VWC2L: variants seen among roughly 807,000 people sequenced by gnomAD.
The protein encoded by VWC2L is von Willebrand factor C domain containing 2 like.
Under a neutral mutation model 21.6 loss-of-function variants are expected in VWC2L, and 10 were observed. The observed-to-expected ratio is 0.46, with a 90% CI of 0.29 to 0.78. The LOEUF is 0.78. Among genes scored for constraint, VWC2L ranks in the 30% least tolerant of loss-of-function variants. VWC2L has a pLI of 0.10. For missense variants in VWC2L, 209 were observed against 277.1 expected (o/e 0.75, Z 1.74); for synonymous variants, 96 against 94.3 (o/e 1.02, Z -0.10).
chr2:214,444,909 G>T (rs1239679236), intron 3 of VWC2L, among the ~76,000 whole-genome samples: 1 of 151,874 alleles, frequency 6.6e-6, no homozygotes, highest in Non-Finnish European at 1.5e-5. Flanking sequence ...AATCATAACG[G>T]TATGTTGAAA....
intron 2 of VWC2L, among the ~76,000 whole-genome samples, chr2:214,421,018 G>T (rs1262211296): frequency 6.6e-6 from 1 of 152,188 alleles, no homozygotes; most frequent in Non-Finnish European, 1.5e-5. Context: ...CTCAATGGGG[G>T]ATTCCCATCT....
intron 3 of VWC2L, among the ~76,000 whole-genome samples, chr2:214,518,526 T>G (rs938610347): frequency 4.6e-5 from 7 of 152,224 alleles, no homozygotes; most frequent in Non-Finnish European, 1.0e-4. Context: ...CTAAGTTCCC[T>G]TCTTCCAACC....
chr2:214,414,765 CAT>C (rs1702330201), intron 2 of VWC2L, 182 bp downstream of exon 2: 2 of 669,792 alleles, frequency 3.0e-6, no homozygotes, highest in African/African-American at 3.7e-5. Context: ...GTTTGTTGAT[CAT>C]ATTTGTTAAG....
intron 3 of VWC2L, among the ~76,000 whole-genome samples, chr2:214,561,937 T>C (rs1462251351): frequency 2.0e-5 from 3 of 151,884 alleles, no homozygotes; most frequent in African/African-American, 4.8e-5. Flanking sequence ...TTTTACATTC[T>C]TTTTGTCTTA....
intron 3 of VWC2L, among the ~76,000 whole-genome samples, chr2:214,537,443 G>A (rs1168843030): frequency 1.3e-5 from 2 of 152,042 alleles, no homozygotes; most frequent in East Asian, 1.9e-4. Context: ...AAAAAGGCAT[G>A]TTCTCTTTTA....
At position 214,577,695 on chromosome 2, in the gene VWC2L, A is replaced by AT. The variant is rs1559337182; in HGVS notation, c.*1882dup. 2 of 152,154 alleles carry AT rather than the reference A, an allele frequency of 1.3e-5. No homozygotes were observed. Among genetic ancestry groups the AT allele is most frequent in the African/African-American group, 4.8e-5 (2 of 41,518 alleles). The allele number at this position is 152,154 out of a possible 1,614,324, so 9.4% of individuals were successfully genotyped here. On this transcript the variant is annotated 3_prime_UTR_variant, in exon 4 of 4. Coordinates refer to ENST00000312504, the MANE Select transcript of VWC2L (RefSeq NM_001080500.4). ...CTATAGGCCCACCCTCAGGAAACAT[A>AT]TTTTTTTGAGTCTTGTCAACTGGTT...
intron 3 of VWC2L, among the ~76,000 whole-genome samples, chr2:214,482,282 T>G (rs1688613737): frequency 6.6e-6 from 1 of 152,070 alleles, no homozygotes; most frequent in Admixed American, 6.6e-5. Context: ...TTTTAATAAT[T>G]CTAATGTGGA....
intron 3 of VWC2L, among the ~76,000 whole-genome samples, chr2:214,446,935 C>A (rs2126182984): frequency 6.6e-6 from 1 of 152,238 alleles, no homozygotes; most frequent in African/African-American, 2.4e-5. Flanking sequence ...GCTAGGCATA[C>A]TGCTGAGTGT....
At chr2:214,542,384 C>CT (rs1689642452) in intron 3 of VWC2L, among the ~76,000 whole-genome samples, 1 of 152,180 alleles carries the variant, frequency 6.6e-6, no homozygotes, top group Non-Finnish European at 1.5e-5. Context: ...GTCTTCCACG[C>CT]TTGCAGCATC....
intron 2 of VWC2L, among the ~76,000 whole-genome samples, chr2:214,418,615 C>G (rs1403701025): frequency 6.6e-6 from 1 of 152,208 alleles, no homozygotes; most frequent in African/African-American, 2.4e-5. Flanking sequence ...CTTTTCCCCT[C>G]TATTCCCAAC....
At chr2:214,559,883 G>A (rs1430241821) in intron 3 of VWC2L, among the ~76,000 whole-genome samples, 2 of 152,182 alleles carry the variant, frequency 1.3e-5, no homozygotes, top group Admixed American at 6.5e-5. Flanking sequence ...TTATAGGCAT[G>A]AGCCACTGAG....
chr2:214,567,266 G>C (rs1574641139), intron 3 of VWC2L, among the ~76,000 whole-genome samples: 1 of 152,034 alleles, frequency 6.6e-6, no homozygotes, highest in African/African-American at 2.4e-5. Context: ...CTAGTCTCTG[G>C]GAAGTAGGAG....
In VWC2L at chr2:214,436,631, C is replaced by T; in HGVS notation, c.393C>T (p.Pro131=). 6.2e-7 allele frequency: 1 copy of T among 1,613,076 alleles called. No individual in the cohort carries two copies. The highest frequency in any genetic ancestry group is 8.5e-7 in the Non-Finnish European group (1 of 1,179,268). The change falls in exon 3 of 4, where the codon CCC becomes CCT. Residue 131 remains proline (P), a splice_region_variant and synonymous_variant. Coordinates refer to ENST00000312504, the MANE Select transcript of VWC2L (RefSeq NM_001080500.4). ...GCTAATTTTAGATTTGTTCCTAGCCCTCTCCATGTGAATGGTGTCGCTGTG... is the reference window on the plus strand; with the variant it reads ...GCTAATTTTAGATTTGTTCCTAGCCTTCTCCATGTGAATGGTGTCGCTGTG... ...KNYKILEEFK[P]SPCEWCRCEP...
intron 3 of VWC2L, among the ~76,000 whole-genome samples, chr2:214,492,376 G>A (rs184804467): frequency 2.3e-3 from 354 of 152,290 alleles, no homozygotes; most frequent in Non-Finnish European, 4.0e-3. Flanking sequence ...CACAAAAGGC[G>A]GTGCCGCTGA....
intron 3 of VWC2L, among the ~76,000 whole-genome samples, chr2:214,538,015 G>T (rs1398834052): frequency 6.7e-6 from 1 of 150,300 alleles, no homozygotes; most frequent in East Asian, 2.0e-4. Context: ...TGCTTCTCCA[G>T]TCTCCTCTAT....
chr2:214,573,778 G>A (rs1690187381), intron 3 of VWC2L, among the ~76,000 whole-genome samples: 1 of 152,204 alleles, frequency 6.6e-6, no homozygotes, highest in Non-Finnish European at 1.5e-5. Context: ...TAAATCCCAA[G>A]ACCTATGGAA....
chr2:214,560,532 A>T (rs188833039), intron 3 of VWC2L, among the ~76,000 whole-genome samples: 139 of 152,334 alleles, frequency 9.1e-4, no homozygotes, highest in Middle Eastern at 3.4e-3. Flanking sequence ...AAATTTTTTC[A>T]TCAAGGAACT....
At chr2:214,546,758 G>A (rs112658417) in intron 3 of VWC2L, among the ~76,000 whole-genome samples, 4 of 152,202 alleles carry the variant, frequency 2.6e-5, no homozygotes, top group African/African-American at 9.6e-5. Context: ...AACACTGAAT[G>A]TTACAAGCCA....
intron 2 of VWC2L, among the ~76,000 whole-genome samples, chr2:214,433,627 A>G (rs1702635274): frequency 1.3e-5 from 2 of 152,328 alleles, no homozygotes; most frequent in South Asian, 4.1e-4. Context: ...TATCCAAAGT[A>G]CCGTGAGTTT....
Sources: allele counts gnomAD v4.1 joint callset (sites outside exome capture counted in the v4.1 genomes callset), GRCh38; gene constraint gnomAD v4.1.1; transcripts MANE v1.5; gene names NCBI Gene and HGNC (gene_info 2026-07-23, HGNC 2026-07-21).